The following NETO2 variants were observed in gnomAD, a reference collection of about 807,000 sequenced individuals.
The protein encoded by NETO2 is neuropilin and tolloid-like protein 2.
In NETO2, 28 loss-of-function variants were observed where a neutral mutation model predicts 62.5. That is an observed-to-expected ratio of 0.45 (90% confidence interval 0.33 to 0.61). The LOEUF is 0.61. Among genes scored for constraint, NETO2 ranks in the 20% least tolerant of loss-of-function variants. The pLI, the probability that NETO2 is intolerant of heterozygous loss-of-function variation, is 0.02. For missense variants in NETO2, 548 were observed against 643.2 expected, an observed-to-expected ratio of 0.85 and a Z score of 1.60; for synonymous variants, 214 against 219.1, an observed-to-expected ratio of 0.98 and a Z score of 0.21.
chr16:47,087,756 T>C (rs562367866), intron 7 of NETO2, among the ~76,000 whole-genome samples: 1 of 152,302 alleles, frequency 6.6e-6, no homozygotes, highest in South Asian at 2.1e-4. Context: ...TTTCTCTTTG[T>C]GGCGGCCACC....
At chr16:47,097,620 C>T (rs1963455041) in intron 7 of NETO2, among the ~76,000 whole-genome samples, 2 of 152,190 alleles carry the variant, frequency 1.3e-5, no homozygotes, top group African/African-American at 4.8e-5. Context: ...AACGTTCCTG[C>T]CTGCCGGCTC....
intron 1 of NETO2, among the ~76,000 whole-genome samples, chr16:47,138,930 GCCTTC>G (rs1310079273): frequency 6.6e-6 from 1 of 152,214 alleles, no homozygotes; most frequent in African/African-American, 2.4e-5. Flanking sequence ...AACCAGCTGT[GCCTTC>G]GGCCTAGAAT....
At chr16:47,110,305 G>A (rs1274632809) in intron 6 of NETO2, among the ~76,000 whole-genome samples, 4 of 152,150 alleles carry the variant, frequency 2.6e-5, no homozygotes, top group Non-Finnish European at 5.9e-5. Flanking sequence ...ACAGGCAGAC[G>A]TCAACTGTAC....
intron 7 of NETO2, among the ~76,000 whole-genome samples, chr16:47,109,014 TAA>T (rs1244901970): frequency 2.0e-5 from 3 of 152,218 alleles, no homozygotes; most frequent in Admixed American, 6.5e-5. Context: ...AGAGAAAGTA[TAA>T]GTCTTCCCTG....
At chr16:47,129,155 C>G in intron 3 of NETO2, 69 bp downstream of exon 3, 2 of 1,457,658 alleles carry the variant, frequency 1.4e-6, no homozygotes, top group Non-Finnish European at 1.9e-6. Context: ...TTACATAGGT[C>G]ATTTTACCAA....
In NETO2 at chr16:47,083,875, A is replaced by G. The variant is rs949858395; in HGVS notation, c.998-74T>C. ...GAATCCTGGTACAAATTAGTAAGGT[A>G]TTTTTAGGTAAAACAGAATACTTGG... On this transcript the variant is annotated intron_variant, in intron 8 of 8. Coordinates refer to ENST00000562435, the MANE Select transcript of NETO2 (RefSeq NM_018092.5). 8 of 1,166,758 alleles carry G rather than the reference A, an allele frequency of 6.9e-6. No homozygotes were observed. In the African/African-American group the frequency reaches 1.1e-4, roughly 16 times the overall value. 72.3% of individuals were successfully genotyped at this position (1,166,758 alleles called of 1,614,324 possible).
intron 7 of NETO2, among the ~76,000 whole-genome samples, chr16:47,091,751 G>A (rs928854206): frequency 6.6e-6 from 1 of 152,146 alleles, no homozygotes; most frequent in African/African-American, 2.4e-5. Flanking sequence ...CAAAGCAGAG[G>A]GTGCCTATGT....
At chr16:47,084,083 C>T (rs1392788218) in intron 8 of NETO2, among the ~76,000 whole-genome samples, 1 of 152,118 alleles carries the variant, frequency 6.6e-6, no homozygotes, top group South Asian at 2.1e-4. Context: ...ATCAAATATA[C>T]AAATATAGAC....
At chr16:47,137,644 A>C (rs563646364) in intron 1 of NETO2, among the ~76,000 whole-genome samples, 1 of 152,240 alleles carries the variant, frequency 6.6e-6, no homozygotes, top group African/African-American at 2.4e-5. Context: ...GCTTCCATGA[A>C]AGTACATTTT....
rs1248629430 is a variant in NETO2 at position 47,086,223 on chromosome 16, C to T, written c.997+3G>A. The T allele has an allele frequency of 6.4e-7, 1 of 1,566,700 alleles. No individual in the cohort carries two copies. The highest frequency in any genetic ancestry group is 2.2e-5 in the East Asian group (1 of 44,656). Reference sequence around the variant, plus strand: ...AAAATGTTGGCCTTTACATCAAACTCACCTTTACAATGATTTTCATCCCAA... The same window carrying T: ...AAAATGTTGGCCTTTACATCAAACTTACCTTTACAATGATTTTCATCCCAA... On this transcript the variant is annotated splice_donor_region_variant and intron_variant, in intron 8 of 8. Transcript: ENST00000562435.
At chr16:47,124,576 T>C (rs1315899642) in intron 4 of NETO2, among the ~76,000 whole-genome samples, 1 of 152,236 alleles carries the variant, frequency 6.6e-6, no homozygotes, top group Non-Finnish European at 1.5e-5. Flanking sequence ...CCTATTTATT[T>C]TGACATGTGT....
chr16:47,090,684 G>A (rs1963293515), intron 7 of NETO2, among the ~76,000 whole-genome samples: 1 of 152,260 alleles, frequency 6.6e-6, no homozygotes, highest in South Asian at 2.1e-4. Context: ...GTATGTCACC[G>A]AAAATCACAT....
chr16:47,122,743 A>G lies in NETO2; in HGVS notation c.568T>C (p.Ser190Pro). 3 of 1,614,144 alleles carry G rather than the reference A, an allele frequency of 1.9e-6. No homozygotes were observed. The highest frequency in any genetic ancestry group is 2.5e-6 in the Non-Finnish European group (3 of 1,180,022). The stretch of plus-strand genomic sequence containing the variant: ...TTCTCCTCTTGTTCTACCTGACTAG[A>G]GCGCACTATTCCATCAGCTCCCGAG... ...ELSGADGIVR[S>P]SQVEQEEKTK... Residue 190 changes from serine (S) to proline (P), a missense_variant, in exon 6 of 9, where the codon TCT becomes CCT. Ser to Pro is a moderately conservative substitution (Grantham distance 74). Transcript: ENST00000562435.
chr16:47,112,883 C>T (rs189972192), intron 6 of NETO2, among the ~76,000 whole-genome samples: 1 of 152,288 alleles, frequency 6.6e-6, no homozygotes, highest in Admixed American at 6.5e-5. Flanking sequence ...TTTAATTTCA[C>T]TTAAAGCACA....
At position 47,083,170 on chromosome 16, in the gene NETO2, G is replaced by C. The variant is rs752374257; in HGVS notation, c.*51C>G. On this transcript the variant is annotated 3_prime_UTR_variant, in exon 9 of 9. Coordinates refer to ENST00000562435, the MANE Select transcript of NETO2 (RefSeq NM_018092.5). ...CTGCTGGAAACAGTATGGTGCCCTG[G>C]AGGCTGCGTACGTACACACCCTAAG... 1.3e-6 allele frequency: 2 copies of C among 1,482,230 alleles called. No homozygotes were observed. Among genetic ancestry groups the C allele is most frequent in the Non-Finnish European group, 1.8e-6 (2 of 1,089,152 alleles). 91.8% of individuals were successfully genotyped at this position (1,482,230 alleles called of 1,614,324 possible).
In NETO2 at chr16:47,081,241, T is replaced by C. The variant is rs1274648608; in HGVS notation, c.*1980A>G. 6.6e-6 allele frequency: 1 copy of C among 152,130 alleles called. No individual in the cohort carries two copies. The highest frequency in any genetic ancestry group is 1.5e-5 in the Non-Finnish European group (1 of 67,982). The allele number at this position is 152,130 out of a possible 1,614,324, so 9.4% of individuals were successfully genotyped here. A position where few individuals can be genotyped will look rare whatever the true frequency, so the allele number is the denominator to read the frequency against. Reference sequence around the variant, plus strand: ...CCCTTTTATCATCATAAGATCATAGTTGTTGTTATATTAAGTATTTATTAT... The same window carrying C: ...CCCTTTTATCATCATAAGATCATAGCTGTTGTTATATTAAGTATTTATTAT... On this transcript the variant is annotated 3_prime_UTR_variant, in exon 9 of 9. Coordinates refer to ENST00000562435, the MANE Select transcript of NETO2 (RefSeq NM_018092.5).
intron 7 of NETO2, among the ~76,000 whole-genome samples, chr16:47,096,936 C>T (rs550936640): frequency 9.2e-5 from 14 of 152,234 alleles, no homozygotes; most frequent in Non-Finnish European, 1.5e-4. Context: ...CTCAAGGGGT[C>T]GGGGAACTCC....
chr16:47,116,576 T>C (rs1204136290), intron 6 of NETO2, among the ~76,000 whole-genome samples: 2 of 152,340 alleles, frequency 1.3e-5, no homozygotes, highest in East Asian at 3.9e-4. Context: ...TACTGATCAA[T>C]AGTTTCCTTA....
At chr16:47,129,606 T>A (rs1048598705) in intron 2 of NETO2, among the ~76,000 whole-genome samples, 3 of 152,126 alleles carry the variant, frequency 2.0e-5, no homozygotes, top group Admixed American at 1.3e-4. Context: ...TATAGGCACT[T>A]AACAAAGGGC....
Sources: allele counts gnomAD v4.1 joint callset (sites outside exome capture counted in the v4.1 genomes callset), GRCh38; gene constraint gnomAD v4.1.1; transcripts MANE v1.5; gene names NCBI Gene and HGNC (gene_info 2026-07-23, HGNC 2026-07-21).